The following MYO7A variants were observed in gnomAD, a reference collection of about 807,000 sequenced individuals.
The protein encoded by MYO7A is myosin VIIA.
MYO7A carries 210 observed loss-of-function variants against 263.8 expected under a neutral mutation model. The ratio of observed to expected loss-of-function variants is 0.80; its 90% CI spans 0.71 to 0.89. The LOEUF (loss-of-function observed/expected upper bound fraction) is 0.89, where lower values mean the gene tolerates loss of function less well. MYO7A is among the 40% of genes least tolerant of loss of function. The pLI is 0.00. For missense variants in MYO7A, 2,820 were observed against 2,968.3 expected, an observed-to-expected ratio of 0.95 and a Z score of 1.16; for synonymous variants, 1,239 against 1,197.3, an observed-to-expected ratio of 1.03 and a Z score of -0.72.
rs28934610 is a variant in MYO7A, at chr11:77,156,904, G to A, written c.635G>A (p.Arg212His). ...ACCATCCGCAATGACAACTCAAGCC[G>A]TTTCGGAAAGTACATCGACATCCAC... ...AKTIRNDNSS[R>H]FGKYIDIHFN... Residue 212 changes from arginine (R) to histidine (H), a missense_variant, in exon 7 of 49, where the codon CGT (arginine) becomes CAT (histidine). Transcript: ENST00000409709. 1.3e-5 allele frequency: 21 copies of A among 1,613,916 alleles called. No individual in the cohort carries two copies. The highest frequency in any genetic ancestry group is 3.3e-5 in the South Asian group (3 of 91,094).
At chr11:77,211,970 G>A in intron 46 of MYO7A, 33 bp downstream of exon 46, 1 of 1,542,688 alleles carries the variant, frequency 6.5e-7, no homozygotes, top group South Asian at 1.1e-5. Context: ...CAGAGGAGGA[G>A]GGGAACAGGG....
At chr11:77,161,860 G>C (rs1555069007) in intron 12 of MYO7A, among the ~76,000 whole-genome samples, 2 of 152,198 alleles carry the variant, frequency 1.3e-5, no homozygotes. Context: ...GATCATGCCA[G>C]GGAAAGAGTC....
intron 2 of MYO7A, among the ~76,000 whole-genome samples, chr11:77,135,218 C>T (rs1317248154): frequency 6.6e-6 from 1 of 152,164 alleles, no homozygotes; most frequent in African/African-American, 2.4e-5. Flanking sequence ...ACAATAACTC[C>T]CCATTCCCCT....
intron 1 of MYO7A, 58 bp from the exon 2 acceptor site, chr11:77,130,531 G>C: frequency 7.0e-7 from 1 of 1,420,812 alleles, no homozygotes; most frequent in Non-Finnish European, 9.7e-7. Flanking sequence ...CCCCAGCCAG[G>C]CTCAAGGCTT....
At chr11:77,134,134 C>A (rs7103839) in intron 2 of MYO7A, among the ~76,000 whole-genome samples, 1 of 152,032 alleles carries the variant, frequency 6.6e-6, no homozygotes, top group Non-Finnish European at 1.5e-5. Context: ...TTTCACCATG[C>A]TGGTCAGGCT....
At chr11:77,194,099 C>T (rs910145198) in intron 31 of MYO7A, 15 of 669,468 alleles carry the variant, frequency 2.2e-5, no homozygotes, top group Non-Finnish European at 3.6e-5. Context: ...TGCCCCTGGG[C>T]AGAGTCCAGC....
intron 2 of MYO7A, among the ~76,000 whole-genome samples, chr11:77,134,454 TACA>T (rs1346758227): frequency 6.6e-6 from 1 of 152,032 alleles, no homozygotes; most frequent in African/African-American, 2.4e-5. Flanking sequence ...AGACCAAAAA[TACA>T]ACATTTTTTT....
intron 32 of MYO7A, among the ~76,000 whole-genome samples, chr11:77,196,721 C>T (rs543980067): frequency 1.0e-5 from 1 of 99,352 alleles, no homozygotes; most frequent in African/African-American, 4.5e-5. Context: ...GGATGGCACC[C>T]CTCATGGGCT....
chr11:77,184,927 C>G, intron 27 of MYO7A: 2 of 830,190 alleles, frequency 2.4e-6, no homozygotes, highest in South Asian at 1.4e-5. Flanking sequence ...ACAGGCATCC[C>G]TTGGAGATAT....
At chr11:77,172,238 C>T (rs944897668) in intron 15 of MYO7A, among the ~76,000 whole-genome samples, 2 of 152,228 alleles carry the variant, frequency 1.3e-5, no homozygotes, top group Non-Finnish European at 2.9e-5. Flanking sequence ...ATCACCTCCA[C>T]TTAGGAAACT....
chr11:77,176,623 A>G (rs1954672495), intron 18 of MYO7A, among the ~76,000 whole-genome samples: 1 of 152,040 alleles, frequency 6.6e-6, no homozygotes, highest in South Asian at 2.1e-4. Flanking sequence ...TCAGCCCCTG[A>G]CTTACACTGC....
Position 77,184,714 on chromosome 11 carries a change from C to G in MYO7A, c.3502C>G (p.Arg1168Gly). Residue 1168 changes from arginine (R) to glycine (G), a missense_variant and splice_region_variant, in exon 27 of 49, where the codon CGG (arginine) becomes GGG (glycine). Physicochemically the swap from Arg to Gly is moderately radical, Grantham distance 125 (BLOSUM62 -2). Transcript: ENST00000409709. ...IGNGILRPAL[R>G]DEIYCQISKQ... is the part of the protein sequence containing the mutation. ...CAATGGCATCCTGCGGCCAGCACTCCGGTCAGTGCCGGGAGGCGGGGACAC... is the reference window on the plus strand; with the variant it reads ...CAATGGCATCCTGCGGCCAGCACTCGGGTCAGTGCCGGGAGGCGGGGACAC... 2 of 1,556,492 alleles carry G rather than the reference C, an allele frequency of 1.3e-6. No homozygotes were observed. The highest frequency in any genetic ancestry group is 2.3e-5 in the East Asian group (1 of 43,600).
intron 2 of MYO7A, among the ~76,000 whole-genome samples, chr11:77,134,774 CACTTA>C (rs1950863458): frequency 6.7e-6 from 1 of 149,708 alleles, no homozygotes; most frequent in Non-Finnish European, 1.5e-5. Flanking sequence ...CAACATATAC[CACTTA>C]ACTTTTTTTT....
chr11:77,155,329 T>C (rs1157878430), intron 4 of MYO7A, among the ~76,000 whole-genome samples: 1 of 152,224 alleles, frequency 6.6e-6, no homozygotes. Flanking sequence ...GGAGGTGCTC[T>C]GTCCCCTAGA....
At chr11:77,208,262 A>T (rs1427300002) in intron 42 of MYO7A, among the ~76,000 whole-genome samples, 168 bp from the exon 43 acceptor site, 2 of 152,096 alleles carry the variant, frequency 1.3e-5, no homozygotes, top group East Asian at 3.9e-4. Context: ...TCTTCCGGGG[A>T]CACTCAGCAG....
At chr11:77,147,381 T>C (rs900041969) in intron 3 of MYO7A, among the ~76,000 whole-genome samples, 1 of 151,824 alleles carries the variant, frequency 6.6e-6, no homozygotes, top group African/African-American at 2.4e-5. Flanking sequence ...TGGCACTATC[T>C]GAAATCACTT....
In MYO7A at chr11:77,142,766, G is replaced by A. The variant is rs2135627538; in HGVS notation, c.76G>A (p.Ala26Thr). The A allele has an allele frequency of 6.2e-7, 1 of 1,612,384 alleles. No individual in the cohort carries two copies. Among genetic ancestry groups the A allele is most frequent in the South Asian group, 1.1e-5 (1 of 90,338 alleles). Reference protein sequence around the residue: ...LGQEFDVPIGAVVKLCDSGQV... With the variant: ...LGQEFDVPIGTVVKLCDSGQV... ...GCAGGAGTTCGACGTGCCCATCGGG[G>A]CGGTGGTGAAGCTCTGCGACTCTGG... The change falls in exon 3 of 49, where the codon GCG becomes ACG. Residue 26 changes from alanine (A) to threonine (T), a missense_variant. Transcript: ENST00000409709.
intron 12 of MYO7A, 55 bp from the exon 13 acceptor site, chr11:77,162,065 G>A: frequency 6.6e-7 from 1 of 1,504,700 alleles, no homozygotes; most frequent in Non-Finnish European, 9.0e-7. Flanking sequence ...GCCAGGCCCT[G>A]AACAGCATGG....
chr11:77,183,457 G>C (rs1555086298), intron 26 of MYO7A, among the ~76,000 whole-genome samples: 4 of 152,362 alleles, frequency 2.6e-5, no homozygotes, highest in African/African-American at 9.6e-5. Flanking sequence ...CTTCTAGCCG[G>C]GCACAGACCC....
Sources: gnomAD v4.1 joint callset for allele counts (sites outside exome capture counted in the v4.1 genomes callset) on GRCh38, gnomAD v4.1.1 for gene constraint, MANE v1.5 for transcripts, NCBI Gene and HGNC (gene_info 2026-07-23, HGNC 2026-07-21) for gene names.